Variants in NCOA3 observed in about 807,000 individuals in gnomAD.
NCOA3 encodes nuclear receptor coactivator 3, also known as CBP-interacting protein.
Under a neutral mutation model 158.8 loss-of-function variants are expected in NCOA3, and 51 were observed. The ratio of observed to expected loss-of-function variants is 0.32; its 90% CI spans 0.26 to 0.41. The LOEUF (loss-of-function observed/expected upper bound fraction) is 0.41, where lower values mean the gene tolerates loss of function less well. Ranked by LOEUF, NCOA3 falls within the 10% of genes least tolerant of loss-of-function variation. The probability of loss-of-function intolerance (pLI) is 1.00; values close to 1 mark genes in which losing one functional copy is unlikely to be tolerated. For synonymous variants in NCOA3, 537 were observed against 592.4 expected, an observed-to-expected ratio of 0.91 and a Z score of 1.36; for missense variants, 1,510 against 1,746.6, an observed-to-expected ratio of 0.86 and a Z score of 2.41.
At chr20:47,629,778 AATAGCC>A (rs1439681231) in intron 8 of NCOA3, among the ~76,000 whole-genome samples, 14 of 152,200 alleles carry the variant, frequency 9.2e-5, no homozygotes, top group Non-Finnish European at 7.3e-5. Context: ...TTTCTACTTG[AATAGCC>A]ATGTTTTACA....
intron 1 of NCOA3, among the ~76,000 whole-genome samples, chr20:47,557,260 C>A (rs1330843648): frequency 1.3e-5 from 2 of 152,172 alleles, no homozygotes; most frequent in African/African-American, 4.8e-5. Context: ...GTAACACCTA[C>A]TTTTTTCATG....
chr20:47,617,832 G>T (rs998530240), intron 2 of NCOA3, among the ~76,000 whole-genome samples: 1 of 152,140 alleles, frequency 6.6e-6, no homozygotes, highest in African/African-American at 2.4e-5. Flanking sequence ...AAAACAATTT[G>T]TCATTTACTC....
intron 1 of NCOA3, among the ~76,000 whole-genome samples, chr20:47,538,764 T>C (rs967490563): frequency 1.3e-5 from 2 of 152,194 alleles, no homozygotes; most frequent in Non-Finnish European, 2.9e-5. Context: ...CAGGCTGGTC[T>C]CGAACTCCTG....
intron 1 of NCOA3, among the ~76,000 whole-genome samples, chr20:47,530,293 A>G (rs2084523682): frequency 6.6e-6 from 1 of 152,178 alleles, no homozygotes; most frequent in Admixed American, 6.5e-5. Context: ...CCTTTTAGTT[A>G]CAGTGCTGCA....
intron 2 of NCOA3, among the ~76,000 whole-genome samples, chr20:47,587,360 A>G (rs570261561): frequency 3.3e-4 from 51 of 152,298 alleles, no homozygotes; most frequent in Non-Finnish European, 6.2e-4. Flanking sequence ...AGGTGTCCTC[A>G]CTACTTCTGG....
intron 1 of NCOA3, among the ~76,000 whole-genome samples, chr20:47,530,290 G>C (rs1321708682): frequency 6.6e-6 from 1 of 152,002 alleles, no homozygotes; most frequent in Non-Finnish European, 1.5e-5. Flanking sequence ...CATCCTTTTA[G>C]TTACAGTGCT....
rs770395560 is a variant in NCOA3, at chr20:47,627,957, A to G, written c.757A>G (p.Ile253Val). 1 of 1,614,034 alleles carries G rather than the reference A, an allele frequency of 6.2e-7. No homozygotes were observed. The highest frequency in any genetic ancestry group is 8.5e-7 in the Non-Finnish European group (1 of 1,179,972). The change falls in exon 8 of 23, where the codon ATT (isoleucine) becomes GTT (valine). Residue 253 changes from isoleucine (I) to valine (V), a missense_variant. Physicochemically the swap from Ile to Val is conservative, Grantham distance 29. This residue lies in a region of NCOA3 where 309 missense variants were observed against 427.1 expected (regional missense o/e 0.72). Transcript: ENST00000371998. ...QSCMICVARR[I>V]TTGERTFPSN... ...TTGTATGATCTGTGTGGCACGCCGC[A>G]TTACTACAGGAGAAAGAACATTTCC...
At chr20:47,594,588 C>A (rs1485725465) in intron 2 of NCOA3, among the ~76,000 whole-genome samples, 1 of 136,398 alleles carries the variant, frequency 7.3e-6, no homozygotes, top group East Asian at 2.3e-4. Context: ...TCCCTTGAAC[C>A]TGGGAGGTGG....
chr20:47,618,038 ACCAG>A (rs1317290012), intron 2 of NCOA3, among the ~76,000 whole-genome samples: 22 of 152,218 alleles, frequency 1.4e-4, no homozygotes, highest in Admixed American at 1.4e-3. Flanking sequence ...GGAGTTCGAG[ACCAG>A]CCTGGCCATC....
chr20:47,580,764 C>T (rs1002394259), intron 1 of NCOA3, among the ~76,000 whole-genome samples: 1 of 152,052 alleles, frequency 6.6e-6, no homozygotes, highest in African/African-American at 2.4e-5. Flanking sequence ...CTCCGTTCAT[C>T]TTACACGAAT....
chr20:47,524,640 C>A (rs892067513), intron 1 of NCOA3, among the ~76,000 whole-genome samples: 8 of 152,196 alleles, frequency 5.3e-5, no homozygotes, highest in African/African-American at 1.9e-4. Context: ...AAAGAGGAAG[C>A]TCCCTGGTAC....
At chr20:47,631,623 C>T (rs992105475) in intron 8 of NCOA3, among the ~76,000 whole-genome samples, 1 of 152,188 alleles carries the variant, frequency 6.6e-6, no homozygotes, top group African/African-American at 2.4e-5. Flanking sequence ...GGTTAACCCT[C>T]CAAGTTTAGG....
intron 1 of NCOA3, among the ~76,000 whole-genome samples, chr20:47,555,639 T>G (rs1369210420): frequency 1.4e-5 from 2 of 143,222 alleles, no homozygotes; most frequent in East Asian, 2.0e-4. Context: ...AGTGTTTTTT[T>G]TTTTTTTTTT....
intron 1 of NCOA3, among the ~76,000 whole-genome samples, chr20:47,511,536 T>TCTCG (rs1267529454): frequency 4.3e-5 from 1 of 23,124 alleles, no homozygotes; most frequent in Non-Finnish European, 1.4e-4. Flanking sequence ...TATATATATA[T>TCTCG]ATATATATAT....
chr20:47,564,317 AT>A (rs1228270062), intron 1 of NCOA3, among the ~76,000 whole-genome samples: 2 of 151,820 alleles, frequency 1.3e-5, no homozygotes, highest in African/African-American at 4.8e-5. Context: ...GTAATTGTAT[AT>A]GGACATCTAC....
chr20:47,549,560 CAAAAAAAAA>C (rs763889456), intron 1 of NCOA3, among the ~76,000 whole-genome samples: 2 of 55,140 alleles, frequency 3.6e-5, no homozygotes, highest in East Asian at 6.7e-4. Context: ...GACTCTGTCT[CAAAAAAAAA>C]AAAAAAAAAA....
rs374724210 is a variant in NCOA3 at position 47,636,101 on chromosome 20, G to T, written c.1715G>T (p.Gly572Val). Residue 572 changes from glycine to valine, a missense_variant, in exon 12 of 23, where the codon GGC (glycine) becomes GTC (valine). Physicochemically the swap from Gly to Val is moderately radical, Grantham distance 109. Coordinates refer to ENST00000371998, the MANE Select transcript of NCOA3 (RefSeq NM_181659.3). ...VSNQDSKSPL[G>V]FYCDQNPVES... ...AATCAGGATTCCAAGAGTCCTCTGGGCTTTTATTGCGACCAAAATCCAGTG... is the reference window on the plus strand; with the variant it reads ...AATCAGGATTCCAAGAGTCCTCTGGTCTTTTATTGCGACCAAAATCCAGTG... 6.2e-7 allele frequency: 1 copy of T among 1,614,140 alleles called. No individual in the cohort carries two copies.
At chr20:47,592,745 G>T (rs1441438586) in intron 2 of NCOA3, among the ~76,000 whole-genome samples, 1 of 152,114 alleles carries the variant, frequency 6.6e-6, no homozygotes, top group Admixed American at 6.5e-5. Flanking sequence ...TCCTGGTAGC[G>T]GATGCTACTT....
chr20:47,567,188 C>T (rs998529915), intron 1 of NCOA3, among the ~76,000 whole-genome samples: 7 of 151,802 alleles, frequency 4.6e-5, no homozygotes, highest in African/African-American at 1.7e-4. Flanking sequence ...GCTGGGACTA[C>T]AGGTGTGCAC....
Sources: gnomAD v4.1 joint callset for allele counts (sites outside exome capture counted in the v4.1 genomes callset) on GRCh38, gnomAD v4.1.1 for gene constraint, gnomAD v4.1.1 regional missense constraint, MANE v1.5 for transcripts, NCBI Gene and HGNC (gene_info 2026-07-23, HGNC 2026-07-21) for gene names.